TESK2: variants seen among roughly 807,000 people sequenced by gnomAD.
TESK2 encodes the protein testis associated actin remodelling kinase 2, also known as dual specificity testis-specific protein kinase 2.
TESK2 carries 39 observed loss-of-function variants against 57.1 expected under a neutral mutation model. That is an observed-to-expected ratio of 0.68 (90% confidence interval 0.53 to 0.89). TESK2 has a LOEUF of 0.89. TESK2 is among the 40% of genes least tolerant of loss of function. The pLI is 0.00. For missense variants in TESK2, 646 were observed against 732.1 expected (o/e 0.88, Z 1.36); for synonymous variants, 249 against 267.9 (o/e 0.93, Z 0.69).
In TESK2 at chr1:45,344,933, C is replaced by T. The variant is rs769629766; in HGVS notation, c.1623G>A (p.Glu541=). The change falls in exon 11 of 11, where the codon GAG becomes GAA. Residue 541 remains glutamate, a synonymous_variant. Coordinates refer to ENST00000372086, the MANE Select transcript of TESK2 (RefSeq NM_007170.3). ...TSPCPAGASE[E]MEVEERPAGS... is the part of the protein sequence containing the mutation. ...CTGCTGGCCTTTCTTCTACCTCCATCTCCTCAGAAGCACCCGCAGGGCATG... is the reference window on the plus strand; with the variant it reads ...CTGCTGGCCTTTCTTCTACCTCCATTTCCTCAGAAGCACCCGCAGGGCATG... The T allele has an allele frequency of 6.2e-7, 1 of 1,614,228 alleles. No individual in the cohort carries two copies. The highest frequency in any genetic ancestry group is 1.7e-5 in the Admixed American group (1 of 60,030).
At chr1:45,461,742 G>A (rs916914366) in intron 1 of TESK2, among the ~76,000 whole-genome samples, 4 of 152,242 alleles carry the variant, frequency 2.6e-5, no homozygotes, top group Non-Finnish European at 5.9e-5. Context: ...TGAACAATTC[G>A]ATGTTTGCCA....
At chr1:45,369,623 C>A (rs906213972) in intron 4 of TESK2, among the ~76,000 whole-genome samples, 1 of 151,888 alleles carries the variant, frequency 6.6e-6, no homozygotes, top group Non-Finnish European at 1.5e-5. Context: ...TGGAGGCGGG[C>A]AGAGAGGATG....
chr1:45,384,713 C>G (rs1648821883), intron 4 of TESK2, among the ~76,000 whole-genome samples: 1 of 135,432 alleles, frequency 7.4e-6, no homozygotes, highest in South Asian at 2.5e-4. Context: ...CCCAAATATT[C>G]TAGGGCTCAG....
chr1:45,484,301 G>T (rs1653366038), intron 1 of TESK2, among the ~76,000 whole-genome samples: 1 of 151,566 alleles, frequency 6.6e-6, no homozygotes, highest in Non-Finnish European at 1.5e-5. Flanking sequence ...TAGAGACGGG[G>T]TTTCACCATG....
intron 1 of TESK2, among the ~76,000 whole-genome samples, chr1:45,473,982 A>C (rs1652874773): frequency 6.6e-6 from 1 of 152,086 alleles, no homozygotes; most frequent in South Asian, 2.1e-4. Context: ...AGTTTTAATA[A>C]GCACGACTAC....
At chr1:45,467,352 GT>G (rs920094598) in intron 1 of TESK2, among the ~76,000 whole-genome samples, 3 of 147,858 alleles carry the variant, frequency 2.0e-5, no homozygotes, top group Non-Finnish European at 3.0e-5. Context: ...CAGGTTTGTT[GT>G]TTTTTTTTTA....
At chr1:45,363,210 A>T (rs527573172) in intron 4 of TESK2, among the ~76,000 whole-genome samples, 3 of 152,308 alleles carry the variant, frequency 2.0e-5, no homozygotes, top group East Asian at 3.9e-4. Flanking sequence ...GTATCTTTTT[A>T]AAATTTATTT....
intron 4 of TESK2, among the ~76,000 whole-genome samples, chr1:45,361,766 G>A (rs543050820): frequency 1.3e-5 from 2 of 152,246 alleles, no homozygotes; most frequent in South Asian, 4.2e-4. Flanking sequence ...TCTCCACTCA[G>A]GAATATCAAT....
chr1:45,374,243 C>A (rs981652999), intron 4 of TESK2, among the ~76,000 whole-genome samples: 2 of 152,188 alleles, frequency 1.3e-5, no homozygotes, highest in Non-Finnish European at 2.9e-5. Context: ...CTTATTTATC[C>A]ATTTTCCATT....
intron 3 of TESK2, among the ~76,000 whole-genome samples, chr1:45,395,114 T>G (rs1028095416): frequency 4.6e-5 from 7 of 152,206 alleles, no homozygotes; most frequent in African/African-American, 1.7e-4. Flanking sequence ...TCCACATCTT[T>G]GCCTTTTCTC....
intron 2 of TESK2, among the ~76,000 whole-genome samples, chr1:45,437,584 T>C (rs1043853463): frequency 6.6e-6 from 1 of 152,208 alleles, no homozygotes; most frequent in Admixed American, 6.5e-5. Flanking sequence ...TCCAGTACTA[T>C]GCTGAATAGG....
intron 1 of TESK2, among the ~76,000 whole-genome samples, chr1:45,471,934 G>A (rs898912040): frequency 6.6e-6 from 1 of 152,036 alleles, no homozygotes; most frequent in Non-Finnish European, 1.5e-5. Flanking sequence ...CTACCATGCT[G>A]AGCAGAGATA....
In TESK2 at chr1:45,344,573, T is replaced by TAC. The variant is rs1286982942; in HGVS notation, c.*265_*266dup. The TAC allele has an allele frequency of 2.2e-6, 1 of 454,518 alleles. No homozygotes were observed. Among genetic ancestry groups the TAC allele is most frequent in the Non-Finnish European group, 4.0e-6 (1 of 250,864 alleles). The allele number at this position is 454,518 out of a possible 1,614,324, so 28.2% of individuals were successfully genotyped here. A position where few individuals can be genotyped will look rare whatever the true frequency, so the allele number is the denominator to read the frequency against. On this transcript the variant is annotated 3_prime_UTR_variant, in exon 11 of 11. Coordinates refer to ENST00000372086, the MANE Select transcript of TESK2 (RefSeq NM_007170.3). Reference sequence around the variant, plus strand: ...CATCCTCTGGTCCTATCTGGGGAAGTACACTGGAGAGGGTCTGGTGGGAGG... The same window carrying TAC: ...CATCCTCTGGTCCTATCTGGGGAAGTACACACTGGAGAGGGTCTGGTGGGAGG...
chr1:45,346,930 C>T, intron 8 of TESK2, 49 bp downstream of exon 8: 2 of 1,600,520 alleles, frequency 1.2e-6, no homozygotes, highest in Non-Finnish European at 1.7e-6. Flanking sequence ...AGTTCCATTG[C>T]TTCAAACTAG....
At chr1:45,355,893 C>T (rs1196941364) in intron 4 of TESK2, among the ~76,000 whole-genome samples, 1 of 152,008 alleles carries the variant, frequency 6.6e-6, no homozygotes, top group African/African-American at 2.4e-5. Context: ...TAATTTACTT[C>T]GATATGGCCA....
chr1:45,478,557 AAC>A (rs746109895), intron 1 of TESK2, among the ~76,000 whole-genome samples: 52 of 152,314 alleles, frequency 3.4e-4, no homozygotes, highest in Non-Finnish European at 6.0e-4. Flanking sequence ...CAATGTAAAA[AAC>A]ATACTCCTTC....
intron 4 of TESK2, among the ~76,000 whole-genome samples, chr1:45,363,886 C>T (rs1647798054): frequency 3.3e-5 from 5 of 152,136 alleles, no homozygotes; most frequent in Non-Finnish European, 1.5e-5. Flanking sequence ...TTGTTTAATA[C>T]ACATCTATAA....
chr1:45,466,410 G>A (rs1379068106), intron 1 of TESK2, among the ~76,000 whole-genome samples: 1 of 151,846 alleles, frequency 6.6e-6, no homozygotes, highest in Non-Finnish European at 1.5e-5. Context: ...AGGAGGCAGA[G>A]GTTGAGTGAG....
intron 1 of TESK2, among the ~76,000 whole-genome samples, chr1:45,483,069 G>GGA: frequency 6.6e-6 from 1 of 151,082 alleles, no homozygotes; most frequent in Non-Finnish European, 1.5e-5. Flanking sequence ...CACAAGGTCA[G>GGA]GAGATCAAGA....
Sources: allele counts gnomAD v4.1 joint callset (sites outside exome capture counted in the v4.1 genomes callset), GRCh38; gene constraint gnomAD v4.1.1; transcripts MANE v1.5; gene names NCBI Gene and HGNC (gene_info 2026-07-23, HGNC 2026-07-21).